The following ATP10D variants were observed in gnomAD, a reference collection of about 807,000 sequenced individuals.
ATP10D encodes the protein ATPase phospholipid transporting 10D (putative), also known as phospholipid-transporting ATPase VD.
ATP10D carries 89 observed loss-of-function variants against 144.8 expected under a neutral mutation model. That is an observed-to-expected ratio of 0.61 (90% CI 0.52 to 0.73). The LOEUF (loss-of-function observed/expected upper bound fraction) is 0.73. Ranked by LOEUF, ATP10D falls within the 30% of genes least tolerant of loss-of-function variation. The pLI, the probability that ATP10D is intolerant of heterozygous loss-of-function variation, is 0.00. For synonymous variants in ATP10D, 571 were observed against 615.1 expected (o/e 0.93, Z 1.06); for missense variants, 1,603 against 1,714.8 (o/e 0.93, Z 1.15).
chr4:47,586,706 G>C (rs1720807876), intron 21 of ATP10D, among the ~76,000 whole-genome samples: 1 of 152,104 alleles, frequency 6.6e-6, no homozygotes, highest in South Asian at 2.1e-4. Context: ...AGACCAATGA[G>C]TGACTACATG....
Position 47,591,367 on chromosome 4 carries a change from G to A in ATP10D, c.4267G>A (p.Gly1423Ser). The part of the protein sequence containing the change: ...KAFEMAGPSK[G>S]KES ...CTTTGAGATGGCTGGACCCTCCAAAGGTAAAGAAAGCTAGATACCCTCCTT... is the reference window on the plus strand; with the variant it reads ...CTTTGAGATGGCTGGACCCTCCAAAAGTAAAGAAAGCTAGATACCCTCCTT... The change falls in exon 23 of 23, where the codon GGT becomes AGT. Residue 1423 changes from glycine (G) to serine (S), a missense_variant. Gly to Ser is a moderately conservative substitution (Grantham distance 56). Transcript: ENST00000273859. 1 of 1,596,600 alleles carries A rather than the reference G, an allele frequency of 6.3e-7. No individual in the cohort carries two copies. Among genetic ancestry groups the A allele is most frequent in the Non-Finnish European group, 8.5e-7 (1 of 1,171,438 alleles).
intron 22 of ATP10D, among the ~76,000 whole-genome samples, chr4:47,588,379 C>T (rs1209226839): frequency 1.3e-5 from 2 of 152,158 alleles, no homozygotes; most frequent in Admixed American, 6.6e-5. Context: ...TATTCTATAA[C>T]AGCGTCAACA....
chr4:47,547,168 A>G lies in ATP10D; in HGVS notation c.1635+306A>G, dbSNP rs540397083. 8 of 370,072 alleles carry G rather than the reference A, an allele frequency of 2.2e-5. No individual in the cohort carries two copies. The East Asian group carries it at 3.4e-4, about 16-fold the overall frequency. 22.9% of individuals were successfully genotyped at this position (370,072 alleles called of 1,614,324 possible). On this transcript the variant is annotated intron_variant, in intron 10 of 22. Transcript: ENST00000273859. ...AGAAGGCTGCCTTGGTTTAAGAATC[A>G]TGGCTCACTCTTAGAACCAGCAAAG... is the stretch of plus-strand genomic sequence containing the variant.
chr4:47,518,662 A>T (rs1716801710), intron 3 of ATP10D, among the ~76,000 whole-genome samples: 1 of 152,244 alleles, frequency 6.6e-6, no homozygotes. Flanking sequence ...ATAAATCCAT[A>T]GAATTTCATG....
Position 47,535,600 on chromosome 4 carries a change from A to G in ATP10D, c.868A>G (p.Ile290Val), listed in dbSNP as rs747164353. Residue 290 changes from isoleucine (I) to valine (V), a missense_variant, in exon 6 of 23, where the codon ATT (isoleucine) becomes GTT (valine). By Grantham distance (29) the Ile-to-Val change is conservative. Coordinates refer to ENST00000273859, the MANE Select transcript of ATP10D (RefSeq NM_020453.4). ...TIRNTEAVVG[I>V]VVYAGHETKA... The stretch of plus-strand genomic sequence containing the variant: ...TAGAAACACAGAGGCTGTTGTGGGC[A>G]TTGTGGTTTATGCAGGTCGGTTATG... 1 of 1,612,068 alleles carries G rather than the reference A, an allele frequency of 6.2e-7. No individual in the cohort carries two copies. Among genetic ancestry groups the G allele is most frequent in the Middle Eastern group, 1.7e-4 (1 of 6,050 alleles).
Position 47,562,575 on chromosome 4 carries a change from G to A in ATP10D, c.2669-1006G>A, listed in dbSNP as rs186086852. On this transcript the variant is annotated intron_variant, in intron 14 of 22. Transcript: ENST00000273859. ...GGCAAGGATGCAGAGAAAAGGGAAC[G>A]CTTATATACTGCTGGTTGGAATGTA... Among the ~76,000 whole-genome samples, 20 of 152,240 alleles carry A rather than the reference G, an allele frequency of 1.3e-4. No homozygotes were observed. The Middle Eastern group carries it at 0.014, about 104-fold the overall frequency.
chr4:47,555,884 G>A (rs1718968385), intron 11 of ATP10D, among the ~76,000 whole-genome samples: 1 of 151,942 alleles, frequency 6.6e-6, no homozygotes, highest in Admixed American at 6.6e-5. Context: ...CTCCTGAGTT[G>A]CTGGGATTAT....
chr4:47,578,758 C>T (rs1265948696), intron 19 of ATP10D, among the ~76,000 whole-genome samples: 1 of 151,930 alleles, frequency 6.6e-6, no homozygotes, highest in African/African-American at 2.4e-5. Flanking sequence ...TCCTTCATAT[C>T]CAATGAGGAA....
At chr4:47,501,656 T>G (rs1050641718) in intron 1 of ATP10D, among the ~76,000 whole-genome samples, 8 of 152,198 alleles carry the variant, frequency 5.3e-5, no homozygotes, top group African/African-American at 1.4e-4. Flanking sequence ...TGGATTAAGC[T>G]TAAGTAACTA....
intron 10 of ATP10D, 45 bp downstream of exon 10, chr4:47,546,907 TG>T (rs1718468786): frequency 6.5e-7 from 1 of 1,536,966 alleles, no homozygotes; most frequent in African/African-American, 1.4e-5. Context: ...CCACAATGTA[TG>T]ATGAGAGAAC....
chr4:47,537,043 A>C (rs1717894072), intron 9 of ATP10D, 105 bp downstream of exon 9: 10 of 1,322,088 alleles, frequency 7.6e-6, no homozygotes, highest in Non-Finnish European at 1.0e-5. Flanking sequence ...GGTTTATTTA[A>C]TCATTGAGTA....
intron 1 of ATP10D, among the ~76,000 whole-genome samples, chr4:47,510,681 C>G (rs185200173): frequency 2.6e-5 from 4 of 152,242 alleles, no homozygotes; most frequent in Admixed American, 2.6e-4. Context: ...AAGTTAACAC[C>G]TCCTGTATTT....
intron 1 of ATP10D, among the ~76,000 whole-genome samples, chr4:47,489,374 T>A (rs939255906): frequency 2.0e-5 from 3 of 149,854 alleles, no homozygotes; most frequent in Non-Finnish European, 4.5e-5. Flanking sequence ...AGTTACAAAA[T>A]GATATCCTAG....
chr4:47,574,976 T>C (rs914078744), intron 18 of ATP10D, among the ~76,000 whole-genome samples: 26 of 152,006 alleles, frequency 1.7e-4, no homozygotes, highest in African/African-American at 6.0e-4. Context: ...AATTTCTGTT[T>C]GGTTTGGTTT....
chr4:47,572,292 C>T, intron 17 of ATP10D, 62 bp downstream of exon 17: 1 of 1,444,758 alleles, frequency 6.9e-7, no homozygotes, highest in Admixed American at 1.7e-5. Flanking sequence ...AGGCAGCATT[C>T]TCCATGGTAA....
At chr4:47,583,742 A>T (rs1720645138) in intron 21 of ATP10D, among the ~76,000 whole-genome samples, 1 of 151,652 alleles carries the variant, frequency 6.6e-6, no homozygotes, top group Non-Finnish European at 1.5e-5. Context: ...GAGCAATATC[A>T]TCTGAATAAC....
At position 47,563,671 on chromosome 4, in the gene ATP10D, CAG is replaced by C. The variant is rs759436057; in HGVS notation, c.2760_2761del (p.Asp922GlnfsTer19). 3.7e-6 allele frequency: 6 copies of C among 1,613,802 alleles called. No homozygotes were observed. The highest frequency in any genetic ancestry group is 5.1e-6 in the Non-Finnish European group (6 of 1,179,950). On this transcript the variant is annotated frameshift_variant, in exon 15 of 23. Transcript: ENST00000273859. LOFTEE classifies it high-confidence loss of function. ...GCGGGCATCAAGATCTGGATGCTGA[CAG>C]GGGACAAGCAGGAGACAGCTGTCAA...
chr4:47,558,790 C>A, intron 12 of ATP10D, 133 bp from the exon 13 acceptor site: 1 of 682,140 alleles, frequency 1.5e-6, no homozygotes, highest in Non-Finnish European at 2.5e-6. Flanking sequence ...TTTACAGATA[C>A]CCATTTGGGA....
chr4:47,536,821 G>A lies in ATP10D; in HGVS notation c.1279G>A (p.Glu427Lys), dbSNP rs778738719. Residue 427 changes from glutamate (E) to lysine (K), a missense_variant, in exon 9 of 23, where the codon GAG becomes AAG. By Grantham distance (56) the Glu-to-Lys change is moderately conservative. Transcript: ENST00000273859. ...TCAGTGCCGAGCCCTGAACATCGCC[G>A]AGGATCTGGGACAGATTCAGTACCT... ...IVQCRALNIA[E>K]DLGQIQYLFS... The A allele has an allele frequency of 3.7e-6, 6 of 1,613,022 alleles. No individual in the cohort carries two copies. Among genetic ancestry groups the A allele is most frequent in the Middle Eastern group, 1.6e-4 (1 of 6,082 alleles).
Sources: allele counts gnomAD v4.1 joint callset (sites outside exome capture counted in the v4.1 genomes callset), GRCh38; gene constraint gnomAD v4.1.1; transcripts MANE v1.5; gene names NCBI Gene and HGNC (gene_info 2026-07-23, HGNC 2026-07-21).